PAK2: variants seen among roughly 807,000 people sequenced by gnomAD.
The protein encoded by PAK2 is p21 (RAC1) activated kinase 2.
In PAK2, 21 loss-of-function variants were observed where a neutral mutation model predicts 65.9. That is an observed-to-expected ratio of 0.32 (90% CI 0.23 to 0.46). The LOEUF (loss-of-function observed/expected upper bound fraction) is 0.46, where lower values mean the gene tolerates loss of function less well. Among genes scored for constraint, PAK2 ranks in the 20% least tolerant of loss-of-function variants. PAK2 has a pLI of 1.00. For synonymous variants in PAK2, 204 were observed against 219.7 expected (o/e 0.93, Z 0.63); for missense variants, 324 against 642.6 (o/e 0.50, Z 5.36).
intron 7 of PAK2, 142 bp from the exon 8 acceptor site, chr3:196,810,448 G>C: frequency 1.6e-6 from 1 of 638,756 alleles, no homozygotes; most frequent in Non-Finnish European, 2.8e-6. Context: ...TTTTGTGTTT[G>C]AAACCTGTTA....
At chr3:196,749,520 T>C (rs532587780) in intron 1 of PAK2, among the ~76,000 whole-genome samples, 51 of 152,354 alleles carry the variant, frequency 3.3e-4, no homozygotes, top group African/African-American at 1.2e-3. Flanking sequence ...CATGTACTTA[T>C]TGACCATTTG....
At chr3:196,741,992 A>G (rs1713207844) in intron 1 of PAK2, among the ~76,000 whole-genome samples, 1 of 152,194 alleles carries the variant, frequency 6.6e-6, no homozygotes, top group Non-Finnish European at 1.5e-5. Flanking sequence ...TAACCTTGCA[A>G]ACCCAAATTC....
intron 13 of PAK2, among the ~76,000 whole-genome samples, chr3:196,826,892 G>C (rs1288247527): frequency 6.6e-6 from 1 of 152,016 alleles, no homozygotes; most frequent in East Asian, 1.9e-4. Context: ...CTGCACTCCA[G>C]CCTGGGTGAC....
rs1461175309 is a variant in PAK2, at chr3:196,791,832, G to A, written c.187+8999G>A. ...CCAGCTACTCGGGAGGCTGAGGCAG[G>A]AGAATGGCGGGAACCCAGGAGGCGG... On this transcript the variant is annotated intron_variant, in intron 2 of 14. Transcript: ENST00000327134. This position sits in a 1 kb window ranked among gnomAD's most constrained non-coding sequence, Gnocchi z 4.0. Among the ~76,000 whole-genome samples the A allele has an allele frequency of 6.6e-6, 1 of 152,022 alleles. No individual in the cohort carries two copies. Among genetic ancestry groups the A allele is most frequent in the Non-Finnish European group, 1.5e-5 (1 of 68,028 alleles).
chr3:196,821,446 A>G (rs976268397), intron 13 of PAK2, among the ~76,000 whole-genome samples: 2 of 152,206 alleles, frequency 1.3e-5, no homozygotes, highest in African/African-American at 2.4e-5. Context: ...TTACACCTGT[A>G]GTCCCAGCAC....
intron 1 of PAK2, among the ~76,000 whole-genome samples, chr3:196,774,554 A>G (rs1388085026): frequency 1.3e-5 from 2 of 152,226 alleles, no homozygotes; most frequent in Non-Finnish European, 2.9e-5. Context: ...GAATGCAGAA[A>G]TAGATACATA....
chr3:196,795,292 CAAAAAAAAA>C (rs55963334), intron 2 of PAK2, among the ~76,000 whole-genome samples: 2 of 136,156 alleles, frequency 1.5e-5, no homozygotes, highest in African/African-American at 2.8e-5. Context: ...CCCATCTCTA[CAAAAAAAAA>C]AAAAGAAAAA....
intron 13 of PAK2, among the ~76,000 whole-genome samples, chr3:196,824,075 A>G (rs1308894546): frequency 6.6e-6 from 1 of 152,128 alleles, no homozygotes; most frequent in African/African-American, 2.4e-5. Context: ...GAAGCTTCTC[A>G]TTGACCAGGC....
intron 11 of PAK2, among the ~76,000 whole-genome samples, chr3:196,814,858 GA>G (rs1352408560): frequency 6.6e-6 from 1 of 152,130 alleles, no homozygotes; most frequent in East Asian, 1.9e-4. Flanking sequence ...GGACACTTTT[GA>G]GAGTAAAAGG....
chr3:196,810,483 G>GA lies in PAK2; in HGVS notation c.710-103dup, dbSNP rs1715739550. 7.0e-6 allele frequency: 5 copies of GA among 716,170 alleles called. No homozygotes were observed. The East Asian group carries it at 1.3e-4, about 18-fold the overall frequency. The allele number at this position is 716,170 out of a possible 1,614,324, so 44.4% of individuals were successfully genotyped here. On this transcript the variant is annotated intron_variant, in intron 7 of 14. Coordinates refer to ENST00000327134, the MANE Select transcript of PAK2 (RefSeq NM_002577.4). The stretch of plus-strand genomic sequence containing the variant: ...ATTTTTGGAACTTAGTATTATGTTT[G>GA]AAAATCACTTATAAAAACAGTGGAG...
intron 2 of PAK2, among the ~76,000 whole-genome samples, chr3:196,792,006 C>G (rs561295935): frequency 1.3e-5 from 2 of 152,016 alleles, no homozygotes; most frequent in Non-Finnish European, 2.9e-5. Context: ...CTCAGGGAGC[C>G]GAGTCTGGCT....
chr3:196,740,905 T>G (rs1185957756), intron 1 of PAK2, among the ~76,000 whole-genome samples: 3 of 151,500 alleles, frequency 2.0e-5, no homozygotes, highest in Non-Finnish European at 2.9e-5. Flanking sequence ...AACTAATTCT[T>G]TAAAGATAAG....
intron 2 of PAK2, among the ~76,000 whole-genome samples, chr3:196,785,497 G>T (rs917530873): frequency 1.3e-5 from 2 of 152,128 alleles, no homozygotes; most frequent in African/African-American, 4.8e-5. Flanking sequence ...TCTGGGAGGG[G>T]TGAAATACTA....
intron 1 of PAK2, among the ~76,000 whole-genome samples, chr3:196,771,230 T>G (rs1714350617): frequency 6.6e-6 from 1 of 152,154 alleles, no homozygotes; most frequent in African/African-American, 2.4e-5. Flanking sequence ...CTCCACTGTC[T>G]TCTTGCTTTC....
At chr3:196,797,393 G>T (rs1280296505) in intron 2 of PAK2, among the ~76,000 whole-genome samples, 1 of 151,868 alleles carries the variant, frequency 6.6e-6, no homozygotes, top group Non-Finnish European at 1.5e-5. Context: ...AACCTGGGAG[G>T]CAGAGGCTGC....
chr3:196,772,835 G>A (rs1714401751), intron 1 of PAK2, among the ~76,000 whole-genome samples: 1 of 152,166 alleles, frequency 6.6e-6, no homozygotes, highest in African/African-American at 2.4e-5. Flanking sequence ...AAGTCTGGGT[G>A]ATTAATTAGT....
intron 1 of PAK2, among the ~76,000 whole-genome samples, chr3:196,764,646 T>C (rs1459578328): frequency 1.3e-5 from 2 of 151,112 alleles, no homozygotes; most frequent in Non-Finnish European, 2.9e-5. Context: ...TAAATACAGA[T>C]AGAAGTCAAC....
At chr3:196,750,146 C>T (rs1713526318) in intron 1 of PAK2, among the ~76,000 whole-genome samples, 1 of 152,034 alleles carries the variant, frequency 6.6e-6, no homozygotes, top group Non-Finnish European at 1.5e-5. Flanking sequence ...GCCACCACGC[C>T]TGGCTAATTT....
At chr3:196,800,938 C>T (rs529884074) in intron 2 of PAK2, among the ~76,000 whole-genome samples, 1 of 152,054 alleles carries the variant, frequency 6.6e-6, no homozygotes, top group South Asian at 2.1e-4. Context: ...GCATGAGCTA[C>T]TGCAGATTAG....
Sources: gnomAD v4.1 joint callset for allele counts (sites outside exome capture counted in the v4.1 genomes callset) on GRCh38, gnomAD v4.1.1 for gene constraint, Gnocchi (gnomAD v3.1) non-coding constraint, MANE v1.5 for transcripts, NCBI Gene and HGNC (gene_info 2026-07-23, HGNC 2026-07-21) for gene names.